Variants in PPM1H observed in about 807,000 individuals in gnomAD.
PPM1H encodes the protein protein phosphatase, Mg2+/Mn2+ dependent 1H.
Under a neutral mutation model 54.9 loss-of-function variants are expected in PPM1H, and 27 were observed. The ratio of observed to expected loss-of-function variants is 0.49; its 90% CI spans 0.36 to 0.68. The LOEUF (loss-of-function observed/expected upper bound fraction) is 0.68, where lower values mean the gene tolerates loss of function less well. PPM1H is among the 30% of genes least tolerant of loss of function. PPM1H has a pLI of 0.00. For synonymous variants in PPM1H, 305 were observed against 270.8 expected, an observed-to-expected ratio of 1.13 and a Z score of -1.24; for missense variants, 596 against 667.8, an observed-to-expected ratio of 0.89 and a Z score of 1.19.
At chr12:62,805,842 A>T (rs992393059) in intron 2 of PPM1H, among the ~76,000 whole-genome samples, 1 of 152,214 alleles carries the variant, frequency 6.6e-6, no homozygotes, top group African/African-American at 2.4e-5. Flanking sequence ...GTAGATTTTA[A>T]GTGTCCTCAC....
intron 6 of PPM1H, among the ~76,000 whole-genome samples, chr12:62,702,009 T>G (rs759755295): frequency 7.9e-5 from 12 of 152,242 alleles, no homozygotes; most frequent in Non-Finnish European, 1.8e-4. Flanking sequence ...ACAAGCTAAA[T>G]GGATGAATGA....
intron 9 of PPM1H, among the ~76,000 whole-genome samples, chr12:62,654,763 G>A (rs1445741802): frequency 6.6e-6 from 1 of 152,166 alleles, no homozygotes; most frequent in Non-Finnish European, 1.5e-5. Flanking sequence ...CTTTTCCTGT[G>A]TGGTAAACCT....
chr12:62,858,337 G>C (rs17098414), intron 1 of PPM1H, among the ~76,000 whole-genome samples: 4,107 of 152,144 alleles, frequency 0.027, 89 homozygotes, highest in East Asian at 0.08. Context: ...TTGATTACAG[G>C]CACCAATTGA....
chr12:62,658,423 GTCT>G (rs1177982082), intron 9 of PPM1H, among the ~76,000 whole-genome samples: 1 of 151,890 alleles, frequency 6.6e-6, no homozygotes, highest in Admixed American at 6.6e-5. Context: ...AATGGTAAGC[GTCT>G]TCTTCTCTGA....
intron 1 of PPM1H, among the ~76,000 whole-genome samples, chr12:62,888,850 CTA>C (rs1592656349): frequency 6.6e-6 from 1 of 152,154 alleles, no homozygotes; most frequent in Non-Finnish European, 1.5e-5. Context: ...GGATACTTGG[CTA>C]AAGTCTTGTG....
At chr12:62,699,155 G>A (rs1565760636) in intron 6 of PPM1H, among the ~76,000 whole-genome samples, 1 of 152,060 alleles carries the variant, frequency 6.6e-6, no homozygotes. Flanking sequence ...CCTTTTTCAT[G>A]AAAATGAAGA....
At chr12:62,800,990 C>G (rs2076764996) in intron 3 of PPM1H, among the ~76,000 whole-genome samples, 1 of 152,204 alleles carries the variant, frequency 6.6e-6, no homozygotes, top group Non-Finnish European at 1.5e-5. Context: ...AATCCACATG[C>G]CTGGGTAAGA....
chr12:62,871,264 T>A (rs999734958), intron 1 of PPM1H, among the ~76,000 whole-genome samples: 1 of 147,630 alleles, frequency 6.8e-6, no homozygotes, highest in African/African-American at 2.4e-5. Context: ...GAAAATACTA[T>A]GCTAAGTGAA....
At chr12:62,800,779 A>G (rs1382047822) in intron 3 of PPM1H, among the ~76,000 whole-genome samples, 1 of 152,262 alleles carries the variant, frequency 6.6e-6, no homozygotes, top group Non-Finnish European at 1.5e-5. Context: ...TAATTGGCTT[A>G]GGATAAAGTA....
intron 1 of PPM1H, among the ~76,000 whole-genome samples, chr12:62,835,556 C>T (rs1181463583): frequency 2.6e-5 from 4 of 152,266 alleles, no homozygotes; most frequent in South Asian, 4.1e-4. Context: ...TCATGTTGAA[C>T]GTAGCTTATG....
chr12:62,683,923 GCTGT>G (rs2076037188), intron 8 of PPM1H, among the ~76,000 whole-genome samples: 1 of 152,206 alleles, frequency 6.6e-6, no homozygotes, highest in Admixed American at 6.5e-5. Flanking sequence ...CCTGTGCTGG[GCTGT>G]CTGAGTTACA....
chr12:62,840,969 G>A (rs544339369), intron 1 of PPM1H, among the ~76,000 whole-genome samples: 2 of 152,034 alleles, frequency 1.3e-5, no homozygotes, highest in Non-Finnish European at 2.9e-5. Flanking sequence ...AATGGCTCTC[G>A]GTGGAAGGGA....
In PPM1H at chr12:62,692,932, GACACACACACAC is replaced by G. The variant is rs71278272; in HGVS notation, c.1137+992_1137+1003del. On this transcript the variant is annotated intron_variant, in intron 7 of 9. Transcript: ENST00000228705. Reference sequence around the variant, plus strand: ...ATGTTTGTTCTCTTGCTTTTGCTCTGACACACACACACACACACACACACACACACACTCTGC... The same window carrying G: ...ATGTTTGTTCTCTTGCTTTTGCTCTGACACACACACACACACACACTCTGC... 4.1e-5 allele frequency among the ~76,000 whole-genome samples: 6 copies of G among 146,810 alleles called. No homozygotes were observed. The East Asian group carries it at 1.2e-3, about 30-fold the overall frequency.
chr12:62,733,950 T>C (rs574695114), intron 5 of PPM1H, among the ~76,000 whole-genome samples: 2 of 152,114 alleles, frequency 1.3e-5, no homozygotes, highest in Admixed American at 6.5e-5. Context: ...GTGGGATCTT[T>C]GCTACCGACT....
intron 5 of PPM1H, among the ~76,000 whole-genome samples, chr12:62,736,339 C>A (rs932077521): frequency 2.0e-5 from 3 of 152,188 alleles, no homozygotes; most frequent in Admixed American, 2.0e-4. Context: ...CAGTGGGGTC[C>A]TTTCCACCGG....
intron 1 of PPM1H, 95 bp from the exon 2 acceptor site, chr12:62,832,374 G>T: frequency 8.4e-7 from 1 of 1,188,530 alleles, no homozygotes; most frequent in Non-Finnish European, 1.2e-6. Context: ...TCTACAACTG[G>T]CCCAGAACTA....
chr12:62,662,930 A>G (rs2075893325), intron 9 of PPM1H, among the ~76,000 whole-genome samples: 1 of 152,026 alleles, frequency 6.6e-6, no homozygotes, highest in South Asian at 2.1e-4. Flanking sequence ...TAATGTCTAT[A>G]TCCCTAAACA....
At chr12:62,672,000 C>T (rs2075959243) in intron 8 of PPM1H, among the ~76,000 whole-genome samples, 1 of 152,188 alleles carries the variant, frequency 6.6e-6, no homozygotes, top group Non-Finnish European at 1.5e-5. Flanking sequence ...CCTGTCCTGA[C>T]ACTAGACTGT....
intron 1 of PPM1H, among the ~76,000 whole-genome samples, chr12:62,894,336 GC>G: frequency 6.6e-6 from 1 of 152,276 alleles, no homozygotes; most frequent in South Asian, 2.1e-4. Flanking sequence ...GGGATAAAAG[GC>G]AAGGGCAAGA....
Sources: gnomAD v4.1 joint callset for allele counts (sites outside exome capture counted in the v4.1 genomes callset) on GRCh38, gnomAD v4.1.1 for gene constraint, MANE v1.5 for transcripts, NCBI Gene and HGNC (gene_info 2026-07-23, HGNC 2026-07-21) for gene names.